CNTNAP2: variants seen among roughly 807,000 people sequenced by gnomAD.
CNTNAP2 encodes the protein contactin associated protein 2, also known as contactin-associated protein-like 2.
Under a neutral mutation model 155.2 loss-of-function variants are expected in CNTNAP2, and 98 were observed. The observed-to-expected ratio is 0.63, with a 90% CI of 0.54 to 0.75. The LOEUF is 0.75. CNTNAP2 is among the 30% of genes least tolerant of loss of function. The probability of loss-of-function intolerance (pLI) is 0.00; values close to 1 mark genes in which losing one functional copy is unlikely to be tolerated. For missense variants in CNTNAP2, 1,727 were observed against 1,688.1 expected (o/e 1.02, Z -0.40); for synonymous variants, 651 against 631.2 (o/e 1.03, Z -0.47).
At chr7:147,969,660 C>A (rs867289695) in intron 14 of CNTNAP2, among the ~76,000 whole-genome samples, 2 of 152,074 alleles carry the variant, frequency 1.3e-5, no homozygotes, top group Admixed American at 1.3e-4. Flanking sequence ...AGAGAGGATA[C>A]AGAAAGATGG....
intron 1 of CNTNAP2, among the ~76,000 whole-genome samples, chr7:146,325,773 A>G (rs932681485): frequency 6.6e-6 from 1 of 152,008 alleles, no homozygotes; most frequent in Non-Finnish European, 1.5e-5. Flanking sequence ...ATTTTCAATA[A>G]AAAAAAACTT....
intron 3 of CNTNAP2, among the ~76,000 whole-genome samples, chr7:146,970,829 A>G (rs904303582): frequency 3.9e-5 from 6 of 152,210 alleles, no homozygotes; most frequent in Non-Finnish European, 7.3e-5. Context: ...CAACAATGAT[A>G]GACTGGATTA....
intron 15 of CNTNAP2, among the ~76,000 whole-genome samples, chr7:148,076,965 T>C (rs1232066869): frequency 6.6e-6 from 1 of 152,116 alleles, no homozygotes; most frequent in Non-Finnish European, 1.5e-5. Context: ...GACAGAGCAA[T>C]CTGAACCACA....
intron 4 of CNTNAP2, among the ~76,000 whole-genome samples, chr7:147,079,530 C>G (rs1800072085): frequency 1.3e-5 from 2 of 151,478 alleles, no homozygotes; most frequent in African/African-American, 4.9e-5. Flanking sequence ...ACCAACATGG[C>G]ATATGTATAC....
intron 3 of CNTNAP2, among the ~76,000 whole-genome samples, chr7:146,903,228 A>T (rs1796042199): frequency 6.6e-6 from 1 of 152,134 alleles, no homozygotes; most frequent in African/African-American, 2.4e-5. Context: ...GGTTGGATAA[A>T]ATCCTGTTTT....
rs17170573 is a variant in CNTNAP2, at chr7:147,518,138, C to A, written c.1777+32097C>A. 7.0e-3 allele frequency among the ~76,000 whole-genome samples: 1,059 copies of A among 152,192 alleles called. 25 individuals are homozygous for A. Among genetic ancestry groups the A allele is most frequent in the East Asian group, 0.069 (359 of 5,172 alleles). The stretch of plus-strand genomic sequence containing the variant: ...AGTTACTGTTAAAATTAAGCATGAA[C>A]AATTGAAAGATTTTACAAAGTATAT... On this transcript the variant is annotated intron_variant, in intron 11 of 23. Transcript: ENST00000361727.
intron 8 of CNTNAP2, among the ~76,000 whole-genome samples, chr7:147,241,525 G>A (rs1381767854): frequency 6.6e-6 from 1 of 151,718 alleles, no homozygotes; most frequent in African/African-American, 2.4e-5. Context: ...CTACTCAGGA[G>A]GCTAAGGCAG....
At chr7:146,773,955 A>G (rs542025666) in intron 1 of CNTNAP2, among the ~76,000 whole-genome samples, 1 of 152,272 alleles carries the variant, frequency 6.6e-6, no homozygotes, top group East Asian at 1.9e-4. Flanking sequence ...GATTTCCAGG[A>G]GATGCCAGAT....
intron 21 of CNTNAP2, among the ~76,000 whole-genome samples, chr7:148,338,752 T>C (rs112598225): frequency 3.9e-5 from 6 of 152,072 alleles, no homozygotes; most frequent in African/African-American, 1.4e-4. Context: ...GCCAGAATAT[T>C]AAGATGCTCC....
At chr7:146,816,342 C>T (rs1456009042) in intron 2 of CNTNAP2, among the ~76,000 whole-genome samples, 1 of 152,102 alleles carries the variant, frequency 6.6e-6, no homozygotes, top group Non-Finnish European at 1.5e-5. Context: ...AAGAAATGCC[C>T]TGAGGGTCCA....
chr7:146,441,991 C>A (rs1796327012), intron 1 of CNTNAP2, among the ~76,000 whole-genome samples: 1 of 151,508 alleles, frequency 6.6e-6, no homozygotes, highest in Non-Finnish European at 1.5e-5. Flanking sequence ...TTTGCACATC[C>A]CTCATGTCTT....
intron 3 of CNTNAP2, among the ~76,000 whole-genome samples, chr7:147,033,076 T>G (rs767603341): frequency 1.6e-4 from 24 of 149,398 alleles, no homozygotes; most frequent in Non-Finnish European, 3.0e-4. Flanking sequence ...TTTCACAACA[T>G]TGACAACATT....
At chr7:146,854,081 A>G (rs1246491936) in intron 3 of CNTNAP2, among the ~76,000 whole-genome samples, 1 of 152,204 alleles carries the variant, frequency 6.6e-6, no homozygotes, top group Non-Finnish European at 1.5e-5. Context: ...GGCTGGGAAT[A>G]CTGACTGTAG....
chr7:146,163,543 C>CTA (rs1299524980), intron 1 of CNTNAP2, among the ~76,000 whole-genome samples: 32 of 142,742 alleles, frequency 2.2e-4, no homozygotes, highest in Admixed American at 3.5e-4. Context: ...ATATCTATAT[C>CTA]TATATATCTA....
chr7:147,639,007 G>A, intron 12 of CNTNAP2, 99 bp from the exon 13 acceptor site: 1 of 1,241,144 alleles, frequency 8.1e-7, no homozygotes, highest in East Asian at 2.3e-5. Flanking sequence ...CACCAGCTCA[G>A]TAAAAAGACC....
intron 13 of CNTNAP2, among the ~76,000 whole-genome samples, chr7:147,860,441 T>C (rs1244556096): frequency 6.6e-6 from 1 of 151,206 alleles, no homozygotes; most frequent in Non-Finnish European, 1.5e-5. Context: ...ACAAAAAAAA[T>C]TAGCCATGTG....
intron 18 of CNTNAP2, among the ~76,000 whole-genome samples, chr7:148,208,676 G>T (rs995495284): frequency 2.6e-5 from 4 of 152,186 alleles, no homozygotes; most frequent in Non-Finnish European, 5.9e-5. Context: ...TCACTTCAGT[G>T]AATGGAGTTC....
intron 8 of CNTNAP2, among the ~76,000 whole-genome samples, chr7:147,163,790 G>T (rs1295137344): frequency 6.6e-6 from 1 of 152,146 alleles, no homozygotes; most frequent in African/African-American, 2.4e-5. Flanking sequence ...TCAAATGGAA[G>T]AACAGAGTAG....
chr7:148,413,442 A>ATATATATATG (rs1563079542), intron 23 of CNTNAP2, among the ~76,000 whole-genome samples: 2 of 106,456 alleles, frequency 1.9e-5, no homozygotes, highest in African/African-American at 8.3e-5. Flanking sequence ...ATATATATAT[A>ATATATATATG]TATATTGCTC....
Sources: allele counts gnomAD v4.1 joint callset (sites outside exome capture counted in the v4.1 genomes callset), GRCh38; gene constraint gnomAD v4.1.1; transcripts MANE v1.5; gene names NCBI Gene and HGNC (gene_info 2026-07-23, HGNC 2026-07-21).